EFCAB5: variants seen among roughly 807,000 people sequenced by gnomAD.
EFCAB5 encodes EF-hand calcium-binding domain-containing protein 5.
Under a neutral mutation model 167.9 loss-of-function variants are expected in EFCAB5, and 131 were observed. That is an observed-to-expected ratio of 0.78 (90% confidence interval 0.68 to 0.90). The LOEUF (loss-of-function observed/expected upper bound fraction) is 0.90, where lower values mean the gene tolerates loss of function less well. Among genes scored for constraint, EFCAB5 ranks in the 40% least tolerant of loss-of-function variants. The probability of loss-of-function intolerance (pLI) is 0.00; values close to 1 mark genes in which losing one functional copy is unlikely to be tolerated. For synonymous variants in EFCAB5, 574 were observed against 602.8 expected (o/e 0.95, Z 0.70); for missense variants, 1,663 against 1,745.2 (o/e 0.95, Z 0.84).
rs1329527326 is a variant in EFCAB5 at position 30,080,761 on chromosome 17, T to C, written c.3206T>C (p.Val1069Ala). 3.1e-6 allele frequency: 5 copies of C among 1,601,114 alleles called. No homozygotes were observed. Among genetic ancestry groups the C allele is most frequent in the Non-Finnish European group, 4.3e-6 (5 of 1,173,252 alleles). The change falls in exon 17 of 23, where the codon GTA becomes GCA. Residue 1069 changes from valine (V) to alanine (A), a missense_variant. By Grantham distance (64) the Val-to-Ala change is moderately conservative. Coordinates refer to ENST00000394835, the MANE Select transcript of EFCAB5 (RefSeq NM_198529.4). ...ATACTCTTTTTCCTCAGCTTTACAG[T>C]AGTGGATGAAGGGAAGCCAATCCAT... ...YRDMKGISFTVVDEGKPIHVP... is the reference protein window; with the variant it reads ...YRDMKGISFTAVDEGKPIHVP...
intron 19 of EFCAB5, among the ~76,000 whole-genome samples, chr17:30,087,593 C>T (rs1435238754): frequency 6.6e-6 from 1 of 152,136 alleles, no homozygotes; most frequent in Non-Finnish European, 1.5e-5. Flanking sequence ...CTTCCGGTTC[C>T]ATCCATGTCC....
chr17:29,979,964 T>A (rs1567692382), intron 4 of EFCAB5, among the ~76,000 whole-genome samples: 2 of 151,560 alleles, frequency 1.3e-5, no homozygotes, highest in African/African-American at 4.9e-5. Flanking sequence ...AGGTCAGGAG[T>A]TCGAGAGCAG....
intron 9 of EFCAB5, 43 bp from the exon 10 acceptor site, chr17:30,053,212 A>T (rs1234175802): frequency 6.5e-7 from 1 of 1,537,706 alleles, no homozygotes; most frequent in African/African-American, 1.4e-5. Context: ...ATTCTGCATT[A>T]TAAGATCAAT....
chr17:30,013,639 A>G (rs1029876414), intron 7 of EFCAB5, among the ~76,000 whole-genome samples: 8 of 152,130 alleles, frequency 5.3e-5, no homozygotes, highest in Non-Finnish European at 1.2e-4. Flanking sequence ...CTGTGGGATC[A>G]GTGGTGATAT....
rs183097856 is a variant in EFCAB5, at chr17:29,952,773, T to C, written c.190+9124T>C. Among the ~76,000 whole-genome samples, 331 of 152,286 alleles carry C rather than the reference T, an allele frequency of 2.2e-3. 1 individual carries two copies. The highest frequency in any genetic ancestry group is 7.8e-3 in the African/African-American group (326 of 41,556). On this transcript the variant is annotated intron_variant, in intron 3 of 22. Coordinates refer to ENST00000394835, the MANE Select transcript of EFCAB5 (RefSeq NM_198529.4). The stretch of plus-strand genomic sequence containing the variant: ...ATTCAGAATAGTCTATCTCTCAAAG[T>C]AGCAGTCTATGGGAGGCTTTAATAT...
intron 22 of EFCAB5, among the ~76,000 whole-genome samples, chr17:30,094,544 G>A (rs966243368): frequency 6.7e-6 from 1 of 150,198 alleles, no homozygotes; most frequent in Admixed American, 6.6e-5. Context: ...ATAACTGGGT[G>A]TGGTGGTGCA....
At chr17:29,987,985 G>C (rs573394262) in intron 4 of EFCAB5, among the ~76,000 whole-genome samples, 1 of 152,188 alleles carries the variant, frequency 6.6e-6, no homozygotes, top group Non-Finnish European at 1.5e-5. Flanking sequence ...TCCAATCCTC[G>C]AGGATTAACT....
chr17:30,056,253 C>T, intron 12 of EFCAB5, 97 bp downstream of exon 12: 1 of 1,115,390 alleles, frequency 9.0e-7, no homozygotes, highest in Admixed American at 2.3e-5. Context: ...TTAGCTAAGG[C>T]AGAATGGGAA....
At chr17:29,992,841 T>G (rs1241540577) in intron 4 of EFCAB5, among the ~76,000 whole-genome samples, 1 of 152,210 alleles carries the variant, frequency 6.6e-6, no homozygotes, top group African/African-American at 2.4e-5. Flanking sequence ...GTAATTCTGT[T>G]TTTAGTTTTT....
chr17:30,074,354 C>T (rs1324225548), intron 14 of EFCAB5: 1 of 152,234 alleles, frequency 6.6e-6, no homozygotes, highest in Non-Finnish European at 1.5e-5. Context: ...AGGCTGGCCA[C>T]TAACTCCTGG....
intron 3 of EFCAB5, among the ~76,000 whole-genome samples, chr17:29,955,579 A>G (rs1354660781): frequency 2.0e-5 from 3 of 151,908 alleles, no homozygotes; most frequent in Non-Finnish European, 4.4e-5. Context: ...ATATGCCTTT[A>G]TTAGCTGCAT....
intron 3 of EFCAB5, among the ~76,000 whole-genome samples, chr17:29,967,141 G>C (rs750761598): frequency 2.0e-5 from 3 of 151,974 alleles, no homozygotes; most frequent in Non-Finnish European, 2.9e-5. Flanking sequence ...TATTTCCTTG[G>C]GTGGCATTAG....
chr17:29,980,284 CA>C (rs2068147628), intron 4 of EFCAB5, among the ~76,000 whole-genome samples: 1 of 152,140 alleles, frequency 6.6e-6, no homozygotes, highest in African/African-American at 2.4e-5. Flanking sequence ...GGAAAAAATA[CA>C]AAATTTGATT....
chr17:29,930,390 G>T (rs1189377936), intron 1 of EFCAB5: 5 of 224,658 alleles, frequency 2.2e-5, no homozygotes, highest in Non-Finnish European at 4.4e-5. Flanking sequence ...GGAATCGCGC[G>T]GTTTGCCAGC....
At chr17:29,953,688 T>C (rs1173630924) in intron 3 of EFCAB5, among the ~76,000 whole-genome samples, 1 of 152,116 alleles carries the variant, frequency 6.6e-6, no homozygotes, top group Non-Finnish European at 1.5e-5. Context: ...ACTAATACAG[T>C]AAATTGGTGC....
rs78337679 is a variant in EFCAB5 at position 30,101,187 on chromosome 17, C to T, written c.4322-6647C>T. ...CATTGCAAGGTTTTAAGCAGAGGAACGATATGACCTATGTTTTAAAAGGAT... is the reference window on the plus strand; with the variant it reads ...CATTGCAAGGTTTTAAGCAGAGGAATGATATGACCTATGTTTTAAAAGGAT... On this transcript the variant is annotated intron_variant, in intron 22 of 22. Coordinates refer to ENST00000394835, the MANE Select transcript of EFCAB5 (RefSeq NM_198529.4). 3.7e-4 allele frequency among the ~76,000 whole-genome samples: 57 copies of T among 152,184 alleles called. 1 individual carries two copies. The highest frequency in any genetic ancestry group is 1.3e-3 in the African/African-American group (55 of 41,466).
At chr17:29,984,569 A>T (rs1269224357) in intron 4 of EFCAB5, among the ~76,000 whole-genome samples, 1 of 151,988 alleles carries the variant, frequency 6.6e-6, no homozygotes, top group African/African-American at 2.4e-5. Context: ...AATATAAAAA[A>T]TTAGCCAGAC....
intron 14 of EFCAB5, 52 bp from the exon 15 acceptor site, chr17:30,078,163 A>AC (rs758862145): frequency 1.3e-6 from 2 of 1,534,364 alleles, no homozygotes; most frequent in Non-Finnish European, 1.8e-6. Context: ...AATCCCCCCC[A>AC]CCAATGAGTG....
intron 1 of EFCAB5, among the ~76,000 whole-genome samples, chr17:29,935,718 A>C (rs9915972): frequency 0.02 from 3,064 of 151,570 alleles, 100 homozygotes; most frequent in African/African-American, 0.069. Flanking sequence ...TAGAAAAAAA[A>C]AAACAAACAA....
Sources: gnomAD v4.1 joint callset for allele counts (sites outside exome capture counted in the v4.1 genomes callset) on GRCh38, gnomAD v4.1.1 for gene constraint, MANE v1.5 for transcripts, NCBI Gene and HGNC (gene_info 2026-07-23, HGNC 2026-07-21) for gene names.